The following ESR1 variants were observed in gnomAD, a reference collection of about 807,000 sequenced individuals.
ESR1 encodes estrogen receptor 1.
Under a neutral mutation model 52.7 loss-of-function variants are expected in ESR1, and 12 were observed. The ratio of observed to expected loss-of-function variants is 0.23; its 90% confidence interval spans 0.15 to 0.37. The LOEUF is 0.37. Ranked by LOEUF, ESR1 falls within the 10% of genes least tolerant of loss-of-function variation. ESR1 has a pLI of 1.00. For missense variants in ESR1, 584 were observed against 779.7 expected (o/e 0.75, Z 2.99); for synonymous variants, 305 against 316.8 (o/e 0.96, Z 0.39).
chr6:152,051,354 A>G (rs553646582), intron 5 of ESR1, among the ~76,000 whole-genome samples: 2 of 152,148 alleles, frequency 1.3e-5, no homozygotes, highest in African/African-American at 4.8e-5. Flanking sequence ...CCCAGCACTG[A>G]TGAAAACAAA....
intron 1 of ESR1, among the ~76,000 whole-genome samples, chr6:151,657,843 G>A (rs866067761): frequency 3.3e-5 from 5 of 151,848 alleles, no homozygotes; most frequent in Admixed American, 6.6e-5. Flanking sequence ...TTATATATTG[G>A]CATTTTCATA....
At chr6:151,701,540 A>T (rs1779789999) in intron 1 of ESR1, among the ~76,000 whole-genome samples, 1 of 151,026 alleles carries the variant, frequency 6.6e-6, no homozygotes, top group Non-Finnish European at 1.5e-5. Context: ...AAAAAAAAAA[A>T]AAAAAAAAAA....
chr6:151,861,896 T>C (rs1788965028), intron 2 of ESR1, among the ~76,000 whole-genome samples: 2 of 152,126 alleles, frequency 1.3e-5, no homozygotes, highest in South Asian at 4.1e-4. Flanking sequence ...ACTGCATAAA[T>C]GTAGCCTAAC....
intron 2 of ESR1, among the ~76,000 whole-genome samples, chr6:151,711,211 T>A (rs1010543352): frequency 5.3e-5 from 8 of 151,958 alleles, no homozygotes; most frequent in African/African-American, 1.9e-4. Flanking sequence ...CCCCAGCATC[T>A]GTTGTTTCCT....
chr6:151,899,152 G>A (rs1288973368), intron 3 of ESR1, among the ~76,000 whole-genome samples: 26 of 141,620 alleles, frequency 1.8e-4, no homozygotes, highest in African/African-American at 5.3e-4. Flanking sequence ...CCTCCCGGAC[G>A]GGGCGGCTGG....
At chr6:151,915,179 G>A (rs1166791628) in intron 3 of ESR1, among the ~76,000 whole-genome samples, 1 of 151,298 alleles carries the variant, frequency 6.6e-6, no homozygotes, top group Non-Finnish European at 1.5e-5. Flanking sequence ...TGGCGACAGA[G>A]TGAGATTCCG....
chr6:152,049,779 A>G (rs912076997), intron 5 of ESR1, among the ~76,000 whole-genome samples: 1 of 152,182 alleles, frequency 6.6e-6, no homozygotes, highest in Admixed American at 6.5e-5. Context: ...CCTTCATCCT[A>G]CGAGGGGTTG....
chr6:152,104,967 G>A (rs1269192764), downstream of ESR1, among the ~76,000 whole-genome samples: 1 of 152,128 alleles, frequency 6.6e-6, no homozygotes, highest in East Asian at 1.9e-4. Context: ...TCTATGTAAT[G>A]AAGCTGCCAT....
At chr6:151,961,737 G>T (rs2037691980) in intron 4 of ESR1, among the ~76,000 whole-genome samples, 1 of 152,128 alleles carries the variant, frequency 6.6e-6, no homozygotes, top group Non-Finnish European at 1.5e-5. Context: ...CAGTGTGAGA[G>T]GTCAAAGCGG....
chr6:151,701,550 A>AAAAG (rs1779792912), intron 1 of ESR1, among the ~76,000 whole-genome samples: 2 of 148,702 alleles, frequency 1.3e-5, no homozygotes, highest in East Asian at 3.9e-4. Context: ...AAAAAAAAAA[A>AAAAG]AAGAAGAAGA....
rs957356969 is a variant in ESR1 at position 152,053,800 on chromosome 6, C to T, written c.1236-7191C>T. ...AAATTGGTATAACCTTTTTGGAAGG[C>T]GTTTTGGCAATACTTAGTAAAAGGT... On this transcript the variant is annotated intron_variant, in intron 5 of 7. Transcript: ENST00000206249. This position sits in a 1 kb window ranked among gnomAD's most constrained non-coding sequence, Gnocchi z 4.1. 2.6e-5 allele frequency among the ~76,000 whole-genome samples: 4 copies of T among 151,968 alleles called. No individual in the cohort carries two copies. The highest frequency in any genetic ancestry group is 5.9e-5 in the Non-Finnish European group (4 of 68,008).
chr6:151,666,860 A>C (rs959975813), intron 1 of ESR1, among the ~76,000 whole-genome samples: 3 of 152,134 alleles, frequency 2.0e-5, no homozygotes, highest in Admixed American at 6.5e-5. Flanking sequence ...CAGCAGAGTT[A>C]AATAGTGGAA....
intron 4 of ESR1, among the ~76,000 whole-genome samples, chr6:151,961,901 G>A (rs1205518897): frequency 1.3e-5 from 2 of 152,166 alleles, no homozygotes; most frequent in African/African-American, 2.4e-5. Flanking sequence ...CGGATTGTCA[G>A]CATGGGCGGC....
intron 2 of ESR1, among the ~76,000 whole-genome samples, chr6:151,741,819 C>A (rs912879490): frequency 6.6e-6 from 1 of 152,092 alleles, no homozygotes; most frequent in Non-Finnish European, 1.5e-5. Flanking sequence ...AGCAAAAATG[C>A]GGAATACAGT....
chr6:151,849,622 C>T (rs1406167526), intron 2 of ESR1, among the ~76,000 whole-genome samples: 7 of 147,918 alleles, frequency 4.7e-5, no homozygotes, highest in Admixed American at 1.4e-4. Context: ...CCAGCCTGGG[C>T]GACAGAGTGA....
Position 151,697,368 on chromosome 6 carries a change from G to A in ESR1, c.-201-4507G>A, listed in dbSNP as rs148528424. Among the ~76,000 whole-genome samples, 424 of 152,334 alleles carry A rather than the reference G, an allele frequency of 2.8e-3. 5 individuals carry two copies. Among genetic ancestry groups the A allele is most frequent in the Admixed American group, 0.025 (377 of 15,302 alleles). ...AGATGGGACTGTGCCACTGATGTGC[G>A]CAGTGAGAAGCTGCAAGCTTGGTGC... On this transcript the variant is annotated intron_variant, in intron 1 of 2. Coordinates refer to the ESR1 transcript ENST00000404742.
At chr6:151,921,087 C>A (rs1047510748) in intron 3 of ESR1, among the ~76,000 whole-genome samples, 12 of 152,052 alleles carry the variant, frequency 7.9e-5, no homozygotes, top group Non-Finnish European at 2.9e-5. Flanking sequence ...CTCCCTCCCC[C>A]AACCCCAATC....
At chr6:152,031,910 A>C (rs2044749651) in intron 5 of ESR1, among the ~76,000 whole-genome samples, 1 of 152,238 alleles carries the variant, frequency 6.6e-6, no homozygotes, top group African/African-American at 2.4e-5. Flanking sequence ...TGGCAAACCG[A>C]ATCCAGCAGC....
chr6:151,930,603 A>T (rs1012807399), intron 3 of ESR1, among the ~76,000 whole-genome samples: 1 of 152,176 alleles, frequency 6.6e-6, no homozygotes, highest in African/African-American at 2.4e-5. Context: ...CTTTTATTTT[A>T]CCTTAATTCA....
Sources: allele counts gnomAD v4.1 joint callset (sites outside exome capture counted in the v4.1 genomes callset), GRCh38; gene constraint gnomAD v4.1.1; non-coding constraint Gnocchi (gnomAD v3.1); transcripts MANE v1.5; gene names NCBI Gene and HGNC (gene_info 2026-07-23, HGNC 2026-07-21).